The following TNRC6B variants were observed in gnomAD, a reference collection of about 807,000 sequenced individuals.
TNRC6B encodes trinucleotide repeat containing adaptor 6B, also known as trinucleotide repeat-containing gene 6B protein.
A neutral mutation model predicts 203.6 loss-of-function variants in TNRC6B; 52 were observed. The observed-to-expected ratio is 0.26, with a 90% CI of 0.20 to 0.32. TNRC6B has a LOEUF of 0.32. Among genes scored for constraint, TNRC6B ranks in the 10% least tolerant of loss-of-function variants. The pLI, the probability that TNRC6B is intolerant of heterozygous loss-of-function variation, is 1.00. For synonymous variants in TNRC6B, 838 were observed against 845.7 expected (o/e 0.99, Z 0.16); for missense variants, 1,923 against 2,286.2 (o/e 0.84, Z 3.24).
chr22:40,269,290 G>A (rs1324672553), intron 5 of TNRC6B, among the ~76,000 whole-genome samples: 3 of 151,664 alleles, frequency 2.0e-5, no homozygotes, highest in South Asian at 2.1e-4. Flanking sequence ...GCGTCGTCAC[G>A]CCCAGCTAAT....
intron 1 of TNRC6B, among the ~76,000 whole-genome samples, chr22:40,204,175 T>G (rs1399495560): frequency 2.0e-5 from 3 of 152,254 alleles, no homozygotes; most frequent in Admixed American, 6.5e-5. Flanking sequence ...TTTTGTCGTT[T>G]GTATTTCATA....
At chr22:40,136,158 T>C (rs562287076) in intron 3 of TNRC6B, among the ~76,000 whole-genome samples, 1 of 152,330 alleles carries the variant, frequency 6.6e-6, no homozygotes, top group Middle Eastern at 3.4e-3. Context: ...ATGCTTAAAC[T>C]CTGTAGCCAT....
At chr22:40,245,953 T>A (rs1210085377) in intron 1 of TNRC6B, 62 bp from the exon 2 acceptor site, 1 of 1,338,822 alleles carries the variant, frequency 7.5e-7, no homozygotes, top group Non-Finnish European at 1.0e-6. Flanking sequence ...GCATTCAATT[T>A]GCTGCGGAAA....
chr22:40,067,958 T>A (rs992557379), intron 1 of TNRC6B, among the ~76,000 whole-genome samples: 1 of 152,144 alleles, frequency 6.6e-6, no homozygotes, highest in African/African-American at 2.4e-5. Context: ...ATATGTTATG[T>A]CATTAACCAA....
chr22:40,157,562 C>T (rs901258789), intron 4 of TNRC6B, among the ~76,000 whole-genome samples: 2 of 152,144 alleles, frequency 1.3e-5, no homozygotes, highest in African/African-American at 4.8e-5. Flanking sequence ...TTAAAAATAG[C>T]TCACAATATA....
At chr22:40,320,808 C>T (rs1031578396) in intron 21 of TNRC6B, among the ~76,000 whole-genome samples, 4 of 152,148 alleles carry the variant, frequency 2.6e-5, no homozygotes, top group African/African-American at 9.7e-5. Context: ...TTTCTCTTTA[C>T]AGAGGAATAC....
chr22:40,144,968 A>T (rs544631287), intron 3 of TNRC6B, among the ~76,000 whole-genome samples: 2 of 148,898 alleles, frequency 1.3e-5, no homozygotes, highest in Admixed American at 6.7e-5. Flanking sequence ...TCAGTAGCTC[A>T]TGCCTGTAAT....
chr22:40,171,078 G>A (rs1209566124), intron 4 of TNRC6B, among the ~76,000 whole-genome samples: 3 of 144,168 alleles, frequency 2.1e-5, no homozygotes, highest in African/African-American at 5.1e-5. Flanking sequence ...ATATATGTAT[G>A]TTTATATATA....
chr22:40,100,654 G>A (rs532574965), intron 1 of TNRC6B, among the ~76,000 whole-genome samples: 121 of 152,310 alleles, frequency 7.9e-4, no homozygotes, highest in Non-Finnish European at 1.5e-3. Context: ...CCTAAACACT[G>A]GGGTTTTGGG....
chr22:40,233,187 G>A (rs1336027628), intron 1 of TNRC6B, among the ~76,000 whole-genome samples: 1 of 151,992 alleles, frequency 6.6e-6, no homozygotes, highest in Non-Finnish European at 1.5e-5. Context: ...GCCAGGTGTG[G>A]TGCCTCGTTC....
At chr22:40,182,987 G>A (rs2069153828) in intron 1 of TNRC6B, among the ~76,000 whole-genome samples, 1 of 152,086 alleles carries the variant, frequency 6.6e-6, no homozygotes, top group Admixed American at 6.5e-5. Flanking sequence ...ATTTGTGTAT[G>A]GTACGTCTCC....
intron 1 of TNRC6B, among the ~76,000 whole-genome samples, chr22:40,185,766 G>A (rs568068133): frequency 6.6e-5 from 10 of 152,274 alleles, no homozygotes; most frequent in South Asian, 6.2e-4. Flanking sequence ...TGCAGAGGAG[G>A]ACTTGGTGGG....
upstream of TNRC6B, among the ~76,000 whole-genome samples, chr22:40,175,778 A>G (rs2069050502): frequency 6.6e-6 from 1 of 152,238 alleles, no homozygotes; most frequent in Non-Finnish European, 1.5e-5. Flanking sequence ...TGCTAGGCAA[A>G]GACAGTGGAA....
Position 40,178,061 on chromosome 22 carries a change from T to A in TNRC6B, c.-75T>A. On this transcript the variant is annotated 5_prime_UTR_variant, in exon 1 of 23. Transcript: ENST00000454349. ...AAAACAGATAGACAAAAAGAATTCA[T>A]TTTTTGGACCTTTTTTCATTTCCAT... 1 of 1,593,412 alleles carries A rather than the reference T, an allele frequency of 6.3e-7. No individual in the cohort carries two copies. The highest frequency in any genetic ancestry group is 8.5e-7 in the Non-Finnish European group (1 of 1,173,742).
chr22:40,148,913 G>A (rs778926692), intron 3 of TNRC6B, among the ~76,000 whole-genome samples: 3 of 152,100 alleles, frequency 2.0e-5, no homozygotes, highest in Non-Finnish European at 2.9e-5. Context: ...GCTCTCAGAG[G>A]GAACCAACCC....
intron 4 of TNRC6B, among the ~76,000 whole-genome samples, chr22:40,163,749 G>T (rs140223356): frequency 6.6e-6 from 1 of 151,992 alleles, no homozygotes; most frequent in East Asian, 1.9e-4. Flanking sequence ...CAACAAGAGC[G>T]AAACTCTGTC....
In TNRC6B at chr22:40,089,424, G is replaced by A. The variant is rs372830378; in HGVS notation, c.-120-27631G>A. ...ATTTTTTTATTTTTAGTAGAGATGG[G>A]GCTTCACCATGTTGGCCAGGCTGGT... is the stretch of plus-strand genomic sequence containing the variant. On this transcript the variant is annotated intron_variant, in intron 1 of 23. Transcript: ENST00000301923. Among the ~76,000 whole-genome samples the A allele has an allele frequency of 1.4e-4, 22 of 151,996 alleles. No homozygotes were observed. The East Asian group carries it at 3.7e-3, about 25-fold the overall frequency.
At chr22:40,250,069 G>A (rs1443674418) in intron 2 of TNRC6B, among the ~76,000 whole-genome samples, 1 of 152,146 alleles carries the variant, frequency 6.6e-6, no homozygotes, top group African/African-American at 2.4e-5. Flanking sequence ...AATCCAGTAC[G>A]ATTACCAGCC....
intron 4 of TNRC6B, among the ~76,000 whole-genome samples, chr22:40,170,988 T>G (rs554067565): frequency 2.7e-5 from 4 of 147,504 alleles, no homozygotes; most frequent in Non-Finnish European, 4.5e-5. Flanking sequence ...TGTACATATA[T>G]GTGTATATAT....
Sources: allele counts gnomAD v4.1 joint callset (sites outside exome capture counted in the v4.1 genomes callset), GRCh38; gene constraint gnomAD v4.1.1; transcripts MANE v1.5; gene names NCBI Gene and HGNC (gene_info 2026-07-23, HGNC 2026-07-21).